Variants in SORL1 observed in about 807,000 individuals in gnomAD.
SORL1 encodes the protein sortilin-related receptor.
Under a neutral mutation model 273.7 loss-of-function variants are expected in SORL1, and 127 were observed. The observed-to-expected ratio is 0.46, with a 90% CI of 0.40 to 0.54. The LOEUF (loss-of-function observed/expected upper bound fraction) is 0.54, where lower values mean the gene tolerates loss of function less well. Among genes scored for constraint, SORL1 ranks in the 20% least tolerant of loss-of-function variants. The probability of loss-of-function intolerance (pLI) is 0.00; values close to 1 mark genes in which losing one functional copy is unlikely to be tolerated. For missense variants in SORL1, 2,494 were observed against 2,846.1 expected (o/e 0.88, Z 2.81); for synonymous variants, 1,031 against 1,067.4 (o/e 0.97, Z 0.66).
Position 121,605,435 on chromosome 11 carries a change from G to C in SORL1, c.4812G>C (p.Glu1604Asp). 1.2e-6 allele frequency: 2 copies of C among 1,613,708 alleles called. No individual in the cohort carries two copies. The highest frequency in any genetic ancestry group is 4.5e-5 in the East Asian group (2 of 44,868). Residue 1604 changes from glutamate to aspartate, a missense_variant, in exon 35 of 48, where the codon GAG (glutamate) becomes GAC (aspartate). Physicochemically the swap from Glu to Asp is conservative, Grantham distance 45. Transcript: ENST00000260197. The part of the protein sequence containing the change: ...VVGESIWKTL[E>D]THSNKTNTVL... ...GAGAGAGCATATGGAAGACTCTGGAGACCCACAGCAATAAGACAAACACTG... is the reference window on the plus strand; with the variant it reads ...GAGAGAGCATATGGAAGACTCTGGACACCCACAGCAATAAGACAAACACTG...
chr11:121,521,058 A>T (rs1862034804), intron 9 of SORL1, among the ~76,000 whole-genome samples: 1 of 94,354 alleles, frequency 1.1e-5, no homozygotes, highest in Admixed American at 1.2e-4. Flanking sequence ...GGGCAGAAGC[A>T]ACTCAGAAAA....
chr11:121,576,709 C>T (rs1161234368), intron 24 of SORL1: 2 of 1,423,752 alleles, frequency 1.4e-6, no homozygotes, highest in Non-Finnish European at 1.8e-6. Flanking sequence ...CTTACCAGGC[C>T]CCCACCCTTC....
rs1468972906 is a variant in SORL1 at position 121,595,904 on chromosome 11, C to G, written c.4519+132C>G. 1.0e-6 allele frequency: 1 copy of G among 954,894 alleles called. No homozygotes were observed. Among genetic ancestry groups the G allele is most frequent in the East Asian group, 2.7e-5 (1 of 37,192 alleles). 59.2% of individuals were successfully genotyped at this position (954,894 alleles called of 1,614,324 possible). On this transcript the variant is annotated intron_variant, in intron 32 of 47. Transcript: ENST00000260197. This position sits in a 1 kb window ranked among gnomAD's most constrained non-coding sequence, Gnocchi z 5.1. ...GTGTACTTGCGTAACCATGCTCTTACTGCATTCTCCACAAGCGCTTTGCCA... is the reference window on the plus strand; with the variant it reads ...GTGTACTTGCGTAACCATGCTCTTAGTGCATTCTCCACAAGCGCTTTGCCA...
chr11:121,459,028 G>A (rs918358838), intron 1 of SORL1, among the ~76,000 whole-genome samples: 7 of 152,156 alleles, frequency 4.6e-5, no homozygotes, highest in African/African-American at 1.7e-4. Flanking sequence ...CTAGCCAAGA[G>A]CTGGAAGATC....
intron 21 of SORL1, among the ~76,000 whole-genome samples, chr11:121,564,563 T>C (rs1862725771): frequency 6.6e-6 from 1 of 152,162 alleles, no homozygotes; most frequent in Admixed American, 6.5e-5. Flanking sequence ...TAGTTTTTTT[T>C]ATTTGTTCGT....
At chr11:121,577,078 C>A in intron 24 of SORL1, 2 of 1,113,444 alleles carry the variant, frequency 1.8e-6, no homozygotes, top group Non-Finnish European at 2.6e-6. Flanking sequence ...AGAATCTCAG[C>A]CCACCTGTAA....
intron 22 of SORL1, among the ~76,000 whole-genome samples, chr11:121,567,958 C>T (rs183339110): frequency 6.6e-6 from 1 of 152,288 alleles, no homozygotes; most frequent in East Asian, 1.9e-4. Context: ...CAGGCTGGCA[C>T]ATTCACGGCT....
At chr11:121,466,630 T>C (rs1861086322) in intron 1 of SORL1, among the ~76,000 whole-genome samples, 1 of 152,094 alleles carries the variant, frequency 6.6e-6, no homozygotes, top group African/African-American at 2.4e-5. Flanking sequence ...GTCTTGATAA[T>C]AAAATTTACT....
At chr11:121,612,942 G>A (rs1010158) in intron 40 of SORL1, 110 bp downstream of exon 40, 460,922 of 720,790 alleles carry the variant, frequency 0.64, 151,269 homozygotes, top group African/African-American at 0.72. Context: ...GGTATTCTCT[G>A]GAAGCTGTTC....
At chr11:121,582,478 A>G (rs776675477) in intron 25 of SORL1, among the ~76,000 whole-genome samples, 40 of 152,266 alleles carry the variant, frequency 2.6e-4, no homozygotes, top group Non-Finnish European at 5.3e-4. Context: ...ATGAACAGAC[A>G]CAAACAGCTT....
rs1863891349 is a variant in SORL1, at chr11:121,632,707, C to T, written c.*3144C>T. ...ATGGTGAGCCCCTTAGAGATGAGCG[C>T]CTACTCCTTCTTGGCGAATGCTGCC... On this transcript the variant is annotated 3_prime_UTR_variant, in exon 48 of 48. Coordinates refer to ENST00000260197, the MANE Select transcript of SORL1 (RefSeq NM_003105.6). 6.6e-6 allele frequency: 1 copy of T among 151,868 alleles called. No homozygotes were observed. The highest frequency in any genetic ancestry group is 1.5e-5 in the Non-Finnish European group (1 of 67,996). The allele number at this position is 151,868 out of a possible 1,614,324, so 9.4% of individuals were successfully genotyped here. A position where few individuals can be genotyped will look rare whatever the true frequency, so the allele number is the denominator to read the frequency against.
At chr11:121,604,168 C>T in intron 32 of SORL1, 25 bp from the exon 33 acceptor site, 1 of 1,612,968 alleles carries the variant, frequency 6.2e-7, no homozygotes, top group South Asian at 1.1e-5. Flanking sequence ...TCCCCGTGGA[C>T]TTAAGAAGCC....
rs140798813 is a variant in SORL1, at chr11:121,625,194, C to A, written c.6281C>A (p.Thr2094Lys). The part of the protein sequence containing the change: ...ISNLKMGHNY[T>K]FTVQARCLFG... The stretch of plus-strand genomic sequence containing the variant: ...AACCTGAAGATGGGTCATAATTACA[C>A]GTTCACCGTCCAAGCAAGATGCCTT... Residue 2094 changes from threonine (T) to lysine (K), a missense_variant, in exon 46 of 48, where the codon ACG (threonine) becomes AAG (lysine). By Grantham distance (78) the Thr-to-Lys change is moderately conservative (BLOSUM62 -1). This residue lies in a region of SORL1 where 1,609 missense variants were observed against 1,816.4 expected (regional missense o/e 0.89). Transcript: ENST00000260197. 1.9e-6 allele frequency: 3 copies of A among 1,613,952 alleles called. No individual in the cohort carries two copies. The highest frequency in any genetic ancestry group is 1.7e-6 in the Non-Finnish European group (2 of 1,179,878).
At chr11:121,577,517 A>G (rs1862951767) in intron 25 of SORL1, 117 bp downstream of exon 25, 2 of 1,167,950 alleles carry the variant, frequency 1.7e-6, no homozygotes, top group African/African-American at 1.6e-5. Flanking sequence ...CTTAGAAATC[A>G]GCGAGTTTCA....
intron 6 of SORL1, among the ~76,000 whole-genome samples, chr11:121,511,140 A>T (rs971763610): frequency 2.0e-5 from 3 of 152,152 alleles, no homozygotes; most frequent in African/African-American, 7.2e-5. Context: ...CAGGTTTAGG[A>T]ATAATTCTCC....
At chr11:121,623,355 G>T (rs1237022708) in intron 45 of SORL1, among the ~76,000 whole-genome samples, 1 of 152,194 alleles carries the variant, frequency 6.6e-6, no homozygotes, top group Non-Finnish European at 1.5e-5. Flanking sequence ...CTCAAGTAAG[G>T]TTCTTGGGTA....
chr11:121,575,535 A>G (rs1862915634), intron 24 of SORL1, among the ~76,000 whole-genome samples: 1 of 152,216 alleles, frequency 6.6e-6, no homozygotes, highest in Non-Finnish European at 1.5e-5. Flanking sequence ...AGGTGGTTTG[A>G]CTCACAGCAG....
At chr11:121,543,435 C>A in intron 12 of SORL1, 113 bp from the exon 13 acceptor site, 1 of 791,112 alleles carries the variant, frequency 1.3e-6, no homozygotes, top group Non-Finnish European at 2.1e-6. Context: ...AGCCCAGGAT[C>A]AGCCATTTCT....
At position 121,543,624 on chromosome 11, in the gene SORL1, A is replaced by G. The variant is rs1296231159; in HGVS notation, c.1762A>G (p.Thr588Ala). ...GCCAGTGTTTGTGTATGGCCTCCTCACAGAACCTGGGGAGAAGAGCACTGT... is the reference window on the plus strand; with the variant it reads ...GCCAGTGTTTGTGTATGGCCTCCTCGCAGAACCTGGGGAGAAGAGCACTGT... ...EKPVFVYGLL[T>A]EPGEKSTVFT... is the part of the protein sequence containing the mutation. Residue 588 changes from threonine (T) to alanine (A), a missense_variant, in exon 13 of 48, where the codon ACA (threonine) becomes GCA (alanine). Transcript: ENST00000260197. The G allele has an allele frequency of 6.2e-7, 1 of 1,614,204 alleles. No homozygotes were observed. The highest frequency in any genetic ancestry group is 1.7e-5 in the Admixed American group (1 of 60,032).
Sources: allele counts gnomAD v4.1 joint callset (sites outside exome capture counted in the v4.1 genomes callset), GRCh38; gene constraint gnomAD v4.1.1; regional missense constraint gnomAD v4.1.1; non-coding constraint Gnocchi (gnomAD v3.1); transcripts MANE v1.5; gene names NCBI Gene and HGNC (gene_info 2026-07-23, HGNC 2026-07-21).